The following ARHGAP44 variants were observed in gnomAD, a reference collection of about 807,000 sequenced individuals.
ARHGAP44 encodes the protein Rho GTPase activating protein 44, also known as rho GTPase-activating protein 44.
A neutral mutation model predicts 106.8 loss-of-function variants in ARHGAP44; 43 were observed. That is an observed-to-expected ratio of 0.40 (90% confidence interval 0.32 to 0.52). The LOEUF (loss-of-function observed/expected upper bound fraction) is 0.52, where lower values mean the gene tolerates loss of function less well. ARHGAP44 is among the 20% of genes least tolerant of loss of function. The pLI is 0.48. For synonymous variants in ARHGAP44, 439 were observed against 410.3 expected, an observed-to-expected ratio of 1.07 and a Z score of -0.85; for missense variants, 866 against 1,050.5, an observed-to-expected ratio of 0.82 and a Z score of 2.43.
At position 12,841,608 on chromosome 17, in the gene ARHGAP44, A is replaced by T. The variant is rs551987771; in HGVS notation, c.53+51717A>T. 2.1e-4 allele frequency among the ~76,000 whole-genome samples: 30 copies of T among 139,774 alleles called. No homozygotes were observed. The East Asian group carries it at 2.5e-3, about 11-fold the overall frequency. The allele number at this position is 139,774 out of a possible 152,430, so 91.7% of individuals were successfully genotyped here. Reference sequence around the variant, plus strand: ...CTGTCTCTCTCTCACACACACACACACACACACACACACACACACACACAC... The same window carrying T: ...CTGTCTCTCTCTCACACACACACACTCACACACACACACACACACACACAC... On this transcript the variant is annotated intron_variant, in intron 1 of 20. Transcript: ENST00000379672.
intron 1 of ARHGAP44, among the ~76,000 whole-genome samples, chr17:12,875,906 C>T (rs7217624): frequency 0.78 from 118,118 of 152,124 alleles, 48,241 homozygotes; most frequent in Non-Finnish European, 0.91. Flanking sequence ...ATGGCGTCAT[C>T]GCACTCCAGC....
chr17:12,928,828 T>C, intron 6 of ARHGAP44, 101 bp from the exon 7 acceptor site: 1 of 1,034,788 alleles, frequency 9.7e-7, no homozygotes, highest in South Asian at 1.5e-5. Flanking sequence ...GGGTATGTAG[T>C]TCCCTGGGTG....
rs71980749 is a variant in ARHGAP44 at position 12,897,710 on chromosome 17, C to CTTTT, written c.198+1216_198+1219dup. ...AGCCAAGCCTGCCTTTGATCTGTGT[C>CTTTT]TTTTTTTTTTTTTTTTTTTTGCTCT... On this transcript the variant is annotated intron_variant, in intron 3 of 20. Transcript: ENST00000379672. Among the ~76,000 whole-genome samples, 127 of 108,884 alleles carry CTTTT rather than the reference C, an allele frequency of 1.2e-3. 3 individuals carry two copies. The highest frequency in any genetic ancestry group is 1.5e-3 in the Non-Finnish European group (82 of 55,880). 71.4% of individuals were successfully genotyped at this position (108,884 alleles called of 152,430 possible). A position where few individuals can be genotyped will look rare whatever the true frequency, so the allele number is the denominator to read the frequency against.
chr17:12,813,896 G>T (rs1326507440), intron 1 of ARHGAP44, among the ~76,000 whole-genome samples: 3 of 152,126 alleles, frequency 2.0e-5, no homozygotes, highest in South Asian at 4.1e-4. Context: ...TGGGACACAC[G>T]TAGTCCAACT....
Position 12,883,171 on chromosome 17 carries a change from C to G in ARHGAP44, c.54-11769C>G, listed in dbSNP as rs553718622. Among the ~76,000 whole-genome samples, 88 of 123,558 alleles carry G rather than the reference C, an allele frequency of 7.1e-4. No homozygotes were observed. The South Asian group carries it at 9.7e-3, about 14-fold the overall frequency. The allele number at this position is 123,558 out of a possible 152,430, so 81.1% of individuals were successfully genotyped here. ...TTGTTTTTCTAAATGGCCATTTTGT[C>G]TAAGTTTTTTTTTTAAAAACTTGCT... On this transcript the variant is annotated intron_variant, in intron 1 of 20. Coordinates refer to ENST00000379672, the MANE Select transcript of ARHGAP44 (RefSeq NM_014859.6).
intron 1 of ARHGAP44, among the ~76,000 whole-genome samples, chr17:12,806,840 T>C (rs2034289052): frequency 7.0e-6 from 1 of 142,906 alleles, no homozygotes; most frequent in South Asian, 2.2e-4. Flanking sequence ...GATTCATGAA[T>C]TGGGCAGCAC....
At chr17:12,812,749 G>T (rs747196538) in intron 1 of ARHGAP44, among the ~76,000 whole-genome samples, 2 of 152,212 alleles carry the variant, frequency 1.3e-5, no homozygotes, top group Non-Finnish European at 2.9e-5. Flanking sequence ...TGTGAACAGT[G>T]CTTCTCAACT....
intron 3 of ARHGAP44, among the ~76,000 whole-genome samples, chr17:12,904,273 A>AT (rs1195282557): frequency 1.3e-5 from 2 of 151,970 alleles, no homozygotes; most frequent in Non-Finnish European, 2.9e-5. Context: ...TGCCTGGCTC[A>AT]TTTTTTGTAT....
chr17:12,933,398 A>G (rs953643742), intron 7 of ARHGAP44, among the ~76,000 whole-genome samples: 5 of 152,202 alleles, frequency 3.3e-5, no homozygotes, highest in African/African-American at 9.7e-5. Flanking sequence ...AAACCAAGTC[A>G]AGATGTGTTC....
chr17:12,899,261 G>A (rs1456879520), intron 3 of ARHGAP44, among the ~76,000 whole-genome samples: 1 of 152,142 alleles, frequency 6.6e-6, no homozygotes, highest in Non-Finnish European at 1.5e-5. Flanking sequence ...GAGCCACTGT[G>A]CCCAGCCTCA....
intron 1 of ARHGAP44, among the ~76,000 whole-genome samples, chr17:12,847,437 T>A (rs1179133041): frequency 6.6e-6 from 1 of 151,910 alleles, no homozygotes; most frequent in African/African-American, 2.4e-5. Context: ...CTTTGATCTT[T>A]GTGCATTTTG....
intron 17 of ARHGAP44, 93 bp downstream of exon 17, chr17:12,973,412 G>C: frequency 7.4e-7 from 1 of 1,354,880 alleles, no homozygotes; most frequent in Non-Finnish European, 1.0e-6. Context: ...GGGTGAATGC[G>C]CCGCGTCTGG....
chr17:12,885,372 C>T (rs1026463295), intron 1 of ARHGAP44, among the ~76,000 whole-genome samples: 32 of 150,054 alleles, frequency 2.1e-4, no homozygotes, highest in African/African-American at 7.4e-4. Context: ...GTTCTTTTCT[C>T]TAGAGTGGCT....
intron 1 of ARHGAP44, among the ~76,000 whole-genome samples, chr17:12,809,425 A>G (rs1239840684): frequency 1.3e-5 from 2 of 152,238 alleles, no homozygotes; most frequent in Non-Finnish European, 2.9e-5. Flanking sequence ...TCATTGTGGA[A>G]GGTAAAGGAG....
Position 12,990,487 on chromosome 17 carries a change from G to C in ARHGAP44, c.*316G>C, listed in dbSNP as rs916258166. On this transcript the variant is annotated 3_prime_UTR_variant, in exon 21 of 21. Coordinates refer to ENST00000379672, the MANE Select transcript of ARHGAP44 (RefSeq NM_014859.6). Reference sequence around the variant, plus strand: ...CACCTCTCCATCCAAGGCTGGTCAGGAACGTCCTTTGCAGGGTCGGGGTGG... The same window carrying C: ...CACCTCTCCATCCAAGGCTGGTCAGCAACGTCCTTTGCAGGGTCGGGGTGG... 1.4e-5 allele frequency: 4 copies of C among 289,530 alleles called. No individual in the cohort carries two copies. The highest frequency in any genetic ancestry group is 2.1e-5 in the African/African-American group (1 of 47,308). The allele number at this position is 289,530 out of a possible 1,614,324, so 17.9% of individuals were successfully genotyped here.
intron 3 of ARHGAP44, among the ~76,000 whole-genome samples, chr17:12,897,073 T>G (rs2037227319): frequency 6.6e-6 from 1 of 152,206 alleles, no homozygotes; most frequent in Non-Finnish European, 1.5e-5. Flanking sequence ...TGCGATTCCA[T>G]TTCAACAGTT....
intron 1 of ARHGAP44, among the ~76,000 whole-genome samples, chr17:12,835,032 A>G (rs2035195342): frequency 6.6e-6 from 1 of 152,178 alleles, no homozygotes; most frequent in Admixed American, 6.5e-5. Flanking sequence ...GGTCTGAAAA[A>G]CCAAATGCAT....
At chr17:12,852,334 A>G (rs1321155834) in intron 1 of ARHGAP44, among the ~76,000 whole-genome samples, 1 of 135,884 alleles carries the variant, frequency 7.4e-6, no homozygotes, top group African/African-American at 2.7e-5. Flanking sequence ...GGAGATTTAA[A>G]CCAAAAAACT....
intron 2 of ARHGAP44, 106 bp downstream of exon 2, chr17:12,895,085 C>G (rs369367586): frequency 1.5e-5 from 15 of 968,872 alleles, no homozygotes; most frequent in African/African-American, 1.5e-4. Flanking sequence ...TAGCCGGGAT[C>G]GTGCCACTAC....
Sources: allele counts gnomAD v4.1 joint callset (sites outside exome capture counted in the v4.1 genomes callset), GRCh38; gene constraint gnomAD v4.1.1; transcripts MANE v1.5; gene names NCBI Gene and HGNC (gene_info 2026-07-23, HGNC 2026-07-21).